The following PDE1C variants were observed in gnomAD, a reference collection of about 807,000 sequenced individuals.
PDE1C encodes phosphodiesterase 1C, also known as dual specificity calcium/calmodulin-dependent 3',5'-cyclic nucleotide phosphodiesterase 1C.
PDE1C carries 62 observed loss-of-function variants against 93.1 expected under a neutral mutation model. The observed-to-expected ratio is 0.67, with a 90% CI of 0.54 to 0.82. The LOEUF (loss-of-function observed/expected upper bound fraction) is 0.82, where lower values mean the gene tolerates loss of function less well. Among genes scored for constraint, PDE1C ranks in the 40% least tolerant of loss-of-function variants. The pLI, the probability that PDE1C is intolerant of heterozygous loss-of-function variation, is 0.00. For synonymous variants in PDE1C, 325 were observed against 310.1 expected (o/e 1.05, Z -0.50); for missense variants, 742 against 884.6 (o/e 0.84, Z 2.04).
downstream of PDE1C, among the ~76,000 whole-genome samples, chr7:31,750,714 G>GT (rs1444838693): frequency 5.3e-5 from 8 of 152,134 alleles, no homozygotes; most frequent in South Asian, 2.1e-4. Context: ...AGTTCCAATT[G>GT]TTTTTTTTGT....
intron 1 of PDE1C, among the ~76,000 whole-genome samples, chr7:32,261,795 G>A (rs769655273): frequency 2.0e-5 from 3 of 152,170 alleles, no homozygotes; most frequent in Admixed American, 2.0e-4. Context: ...AAGTCATTTT[G>A]AAATAATGCA....
chr7:32,040,805 T>C (rs1440728489), intron 2 of PDE1C, among the ~76,000 whole-genome samples: 2 of 152,140 alleles, frequency 1.3e-5, no homozygotes, highest in African/African-American at 2.4e-5. Flanking sequence ...CATGTCCCAA[T>C]GCCTATTGCC....
the PDE1C span, among the ~76,000 whole-genome samples, chr7:31,742,746 T>C: frequency 6.6e-6 from 1 of 152,184 alleles, no homozygotes; most frequent in Non-Finnish European, 1.5e-5. Context: ...TGTGGTCCTT[T>C]TGAAGTTTCT....
chr7:31,735,379 C>T, the PDE1C span, among the ~76,000 whole-genome samples: 2 of 148,936 alleles, frequency 1.3e-5, no homozygotes, highest in Non-Finnish European at 3.0e-5. Flanking sequence ...GCCTGGGCAA[C>T]AAGAGTGAAA....
intron 1 of PDE1C, among the ~76,000 whole-genome samples, chr7:32,233,225 A>AT (rs1168786526): frequency 6.6e-6 from 1 of 152,218 alleles, no homozygotes; most frequent in African/African-American, 2.4e-5. Flanking sequence ...AAAATAAGAG[A>AT]TAAAAAATGT....
chr7:32,114,232 C>G (rs1421147409), intron 3 of PDE1C, among the ~76,000 whole-genome samples: 1 of 152,110 alleles, frequency 6.6e-6, no homozygotes, highest in Non-Finnish European at 1.5e-5. Context: ...TACTACAAGG[C>G]TATAGTAACC....
At chr7:32,104,232 T>C (rs961534664) in intron 3 of PDE1C, among the ~76,000 whole-genome samples, 1 of 152,140 alleles carries the variant, frequency 6.6e-6, no homozygotes, top group Non-Finnish European at 1.5e-5. Context: ...TACAACATCA[T>C]GAAAGTTCGG....
intron 1 of PDE1C, among the ~76,000 whole-genome samples, chr7:32,421,963 A>G (rs969552488): frequency 6.6e-6 from 1 of 152,218 alleles, no homozygotes; most frequent in East Asian, 1.9e-4. Context: ...CAATGAATCC[A>G]GTAACCGCCA....
chr7:31,987,298 G>A (rs1428370526), intron 2 of PDE1C, among the ~76,000 whole-genome samples: 1 of 152,186 alleles, frequency 6.6e-6, no homozygotes, highest in Non-Finnish European at 1.5e-5. Flanking sequence ...TAAACAGAGA[G>A]ATGCAAATGT....
upstream of PDE1C, among the ~76,000 whole-genome samples, chr7:32,075,256 A>G (rs769886194): frequency 1.6e-4 from 25 of 152,270 alleles, no homozygotes; most frequent in Non-Finnish European, 2.9e-4. Flanking sequence ...ACTTGCTTTG[A>G]CCTCCATGAA....
chr7:31,783,146 T>A (rs1783566364), intron 16 of PDE1C, among the ~76,000 whole-genome samples: 1 of 152,178 alleles, frequency 6.6e-6, no homozygotes, highest in South Asian at 2.1e-4. Context: ...AGAAAAAGTT[T>A]GCAATTCAGA....
At chr7:31,976,774 C>G (rs1181471510) in intron 2 of PDE1C, among the ~76,000 whole-genome samples, 1 of 152,156 alleles carries the variant, frequency 6.6e-6, no homozygotes, top group Non-Finnish European at 1.5e-5. Flanking sequence ...CAACATGTTT[C>G]AAAGGTTTCC....
At chr7:32,127,173 A>C (rs1396236729) in intron 3 of PDE1C, among the ~76,000 whole-genome samples, 1 of 152,180 alleles carries the variant, frequency 6.6e-6, no homozygotes, top group Non-Finnish European at 1.5e-5. Flanking sequence ...TTAGCCTGCC[A>C]GCCTTCAGAA....
intron 2 of PDE1C, among the ~76,000 whole-genome samples, chr7:31,937,243 G>A (rs757449934): frequency 9.9e-5 from 15 of 152,068 alleles, no homozygotes; most frequent in African/African-American, 3.6e-4. Context: ...TCTATAGAAC[G>A]CAAATTCCCC....
the PDE1C span, among the ~76,000 whole-genome samples, chr7:31,704,045 T>G: frequency 6.6e-6 from 1 of 152,276 alleles, no homozygotes; most frequent in African/African-American, 2.4e-5. Flanking sequence ...TTATTAGAGG[T>G]TTGTCACAAA....
At chr7:32,034,455 G>T (rs933915935) in intron 2 of PDE1C, among the ~76,000 whole-genome samples, 2 of 152,114 alleles carry the variant, frequency 1.3e-5, no homozygotes, top group Non-Finnish European at 2.9e-5. Flanking sequence ...ATTCCCCTTA[G>T]CAGTGAAAAA....
At chr7:31,905,302 T>C (rs958595762) in intron 2 of PDE1C, among the ~76,000 whole-genome samples, 2 of 152,174 alleles carry the variant, frequency 1.3e-5, no homozygotes, top group Non-Finnish European at 2.9e-5. Flanking sequence ...CTCTAATATA[T>C]AATTAGATGT....
At chr7:32,288,276 T>C (rs923279524) in intron 1 of PDE1C, among the ~76,000 whole-genome samples, 20 of 152,286 alleles carry the variant, frequency 1.3e-4, no homozygotes, top group African/African-American at 4.1e-4. Flanking sequence ...TTCAGGGGAA[T>C]TGGTAGCATC....
intron 1 of PDE1C, among the ~76,000 whole-genome samples, chr7:32,409,600 G>T (rs1257358947): frequency 6.6e-6 from 1 of 152,010 alleles, no homozygotes; most frequent in South Asian, 2.1e-4. Flanking sequence ...GGGAGATATG[G>T]TTCAATATTT....
Sources: gnomAD v4.1 joint callset for allele counts (sites outside exome capture counted in the v4.1 genomes callset) on GRCh38, gnomAD v4.1.1 for gene constraint, MANE v1.5 for transcripts, NCBI Gene and HGNC (gene_info 2026-07-23, HGNC 2026-07-21) for gene names.